SNX29: variants seen among roughly 807,000 people sequenced by gnomAD.
SNX29 encodes the protein sorting nexin-29.
Under a neutral mutation model 102.1 loss-of-function variants are expected in SNX29, and 78 were observed. That is an observed-to-expected ratio of 0.76 (90% confidence interval 0.64 to 0.92). The LOEUF (loss-of-function observed/expected upper bound fraction) is 0.92. SNX29 is among the 40% of genes least tolerant of loss of function. The pLI, the probability that SNX29 is intolerant of heterozygous loss-of-function variation, is 0.00. For synonymous variants in SNX29, 580 were observed against 414.5 expected (o/e 1.40, Z -4.85); for missense variants, 1,280 against 1,061.7 (o/e 1.21, Z -2.86).
intron 13 of SNX29, among the ~76,000 whole-genome samples, chr16:12,148,525 G>A (rs2055161352): frequency 6.6e-6 from 1 of 151,956 alleles, no homozygotes; most frequent in Non-Finnish European, 1.5e-5. Flanking sequence ...AGATTTTCTT[G>A]TCCAATCTCC....
chr16:12,392,794 C>T (rs1467423568), intron 16 of SNX29, among the ~76,000 whole-genome samples: 3 of 152,108 alleles, frequency 2.0e-5, no homozygotes, highest in South Asian at 2.1e-4. Flanking sequence ...GATATGATGC[C>T]TCTAGTGGTA....
intron 13 of SNX29, among the ~76,000 whole-genome samples, chr16:12,165,048 ATG>A (rs2055955586): frequency 6.6e-6 from 1 of 152,170 alleles, no homozygotes. Context: ...ATTTGCCATC[ATG>A]TGAGTGAATC....
rs149934302 is a variant in SNX29 at position 12,571,658 on chromosome 16, C to T, written c.*3029C>T. 1.3e-4 allele frequency: 141 copies of T among 1,059,002 alleles called. 2 individuals carry two copies. The South Asian group carries it at 4.1e-3, about 31-fold the overall frequency. The allele number at this position is 1,059,002 out of a possible 1,614,324, so 65.6% of individuals were successfully genotyped here. A position where few individuals can be genotyped will look rare whatever the true frequency, so the allele number is the denominator to read the frequency against. On this transcript the variant is annotated 3_prime_UTR_variant, in exon 21 of 21. Transcript: ENST00000566228. ...CCCCAGATGAAAGACGACTCAGGAACGGTAGGGCTGGGCAGAGGTGTCTCT... is the reference window on the plus strand; with the variant it reads ...CCCCAGATGAAAGACGACTCAGGAATGGTAGGGCTGGGCAGAGGTGTCTCT...
chr16:12,526,124 C>T (rs62030408), intron 20 of SNX29, among the ~76,000 whole-genome samples: 4 of 152,166 alleles, frequency 2.6e-5, no homozygotes, highest in Admixed American at 6.5e-5. Flanking sequence ...GGGACTTATT[C>T]GAGAAGCACT....
intron 15 of SNX29, among the ~76,000 whole-genome samples, chr16:12,355,308 T>A (rs1381062188): frequency 1.3e-5 from 2 of 152,164 alleles, no homozygotes; most frequent in Non-Finnish European, 2.9e-5. Context: ...TCCACAGAGC[T>A]TCTCCCTGTA....
chr16:12,197,118 C>T (rs543363436), intron 13 of SNX29, among the ~76,000 whole-genome samples: 5 of 152,298 alleles, frequency 3.3e-5, no homozygotes, highest in South Asian at 2.1e-4. Context: ...GTTGGTCATG[C>T]GGCCTCTTGG....
chr16:12,564,129 CT>C (rs1205482419), intron 20 of SNX29, among the ~76,000 whole-genome samples: 1 of 152,090 alleles, frequency 6.6e-6, no homozygotes, highest in Non-Finnish European at 1.5e-5. Flanking sequence ...TGGATCGTGC[CT>C]ATAATCCCAG....
At chr16:12,013,704 G>A (rs532225151) in intron 3 of SNX29, among the ~76,000 whole-genome samples, 1 of 150,918 alleles carries the variant, frequency 6.6e-6, no homozygotes, top group South Asian at 2.1e-4. Context: ...GAGTGCAGTG[G>A]CATAATCTTG....
intron 15 of SNX29, among the ~76,000 whole-genome samples, chr16:12,283,840 G>C (rs1445143228): frequency 1.3e-5 from 2 of 152,180 alleles, no homozygotes. Context: ...TGTCTTTGAC[G>C]GCAGTTCTGC....
chr16:12,022,431 C>T (rs2057056199), intron 3 of SNX29, among the ~76,000 whole-genome samples: 1 of 152,054 alleles, frequency 6.6e-6, no homozygotes, highest in African/African-American at 2.4e-5. Context: ...GAACTCCTGA[C>T]CTCAGGTGAT....
chr16:12,154,625 C>T (rs2055456822), intron 13 of SNX29, among the ~76,000 whole-genome samples: 1 of 152,188 alleles, frequency 6.6e-6, no homozygotes, highest in African/African-American at 2.4e-5. Context: ...GTGCCTTAGT[C>T]CATCCGGGCT....
chr16:12,322,244 C>G (rs1371787574), intron 15 of SNX29, among the ~76,000 whole-genome samples: 1 of 152,144 alleles, frequency 6.6e-6, no homozygotes, highest in Non-Finnish European at 1.5e-5. Context: ...AGTGGCCTAA[C>G]CTACATCCTG....
At chr16:12,424,570 G>A (rs1221433930) in intron 18 of SNX29, among the ~76,000 whole-genome samples, 2 of 152,184 alleles carry the variant, frequency 1.3e-5, no homozygotes, top group Admixed American at 6.5e-5. Context: ...TTTATTAGCA[G>A]TAAGAGGCAG....
At chr16:12,562,847 C>T (rs552779488) in intron 20 of SNX29, among the ~76,000 whole-genome samples, 1 of 152,174 alleles carries the variant, frequency 6.6e-6, no homozygotes, top group South Asian at 2.1e-4. Context: ...CTATAGGCAA[C>T]CCGACAGCTC....
intron 18 of SNX29, among the ~76,000 whole-genome samples, chr16:12,428,767 A>G (rs1385748064): frequency 1.3e-5 from 2 of 151,974 alleles, no homozygotes; most frequent in African/African-American, 4.8e-5. Flanking sequence ...ATCTCCTCCT[A>G]GTTAGCCCAA....
chr16:12,044,149 C>T (rs1033175719), intron 5 of SNX29, among the ~76,000 whole-genome samples: 7 of 152,176 alleles, frequency 4.6e-5, no homozygotes, highest in Admixed American at 1.3e-4. Context: ...TGTTCTGGTT[C>T]CTTAAGTAAC....
chr16:12,356,041 C>T, intron 15 of SNX29, 122 bp from the exon 16 acceptor site: 1 of 815,738 alleles, frequency 1.2e-6, no homozygotes, highest in South Asian at 1.6e-5. Context: ...TCATTGACTC[C>T]AGCCCCAACA....
chr16:12,531,721 T>A (rs571077294), intron 20 of SNX29, among the ~76,000 whole-genome samples: 22 of 152,128 alleles, frequency 1.4e-4, no homozygotes, highest in Non-Finnish European at 2.8e-4. Flanking sequence ...GAAGCCCGCT[T>A]GGGAGCAGAT....
At chr16:12,561,443 T>TA (rs2078718691) in intron 20 of SNX29, among the ~76,000 whole-genome samples, 1 of 152,156 alleles carries the variant, frequency 6.6e-6, no homozygotes, top group Admixed American at 6.5e-5. Flanking sequence ...TCCAGCCCTC[T>TA]AAGCTTCAAA....
Sources: gnomAD v4.1 joint callset for allele counts (sites outside exome capture counted in the v4.1 genomes callset) on GRCh38, gnomAD v4.1.1 for gene constraint, MANE v1.5 for transcripts, NCBI Gene and HGNC (gene_info 2026-07-23, HGNC 2026-07-21) for gene names.